DMD: variants seen among roughly 807,000 people sequenced by gnomAD.
DMD encodes mutant dystrophin.
A neutral mutation model predicts 330.1 loss-of-function variants in DMD; 63 were observed. The ratio of observed to expected loss-of-function variants is 0.19; its 90% CI spans 0.16 to 0.24. The LOEUF (loss-of-function observed/expected upper bound fraction) is 0.24, where lower values mean the gene tolerates loss of function less well. Among genes scored for constraint, DMD ranks in the 10% least tolerant of loss-of-function variants. The pLI is 1.00. For missense variants in DMD, 3,344 were observed against 2,684.1 expected (o/e 1.25, Z -5.43); for synonymous variants, 1,223 against 959.8 (o/e 1.27, Z -5.07).
At chrX:32,777,282 G>GGGGGGGGGGGGTGGGGGGGGT (rs1368782701) in intron 7 of DMD, among the ~76,000 whole-genome samples, 1 of 54,130 alleles carries the variant, frequency 1.8e-5, no homozygotes, top group Admixed American at 2.0e-4. Context: ...CTGGTTGGGG[G>GGGGGGGGGGGGTGGGGGGGGT]GGGAATCCTA....
In DMD at chrX:32,819,216, G is replaced by A. The variant is rs775511697; in HGVS notation, c.358-2576C>T. On this transcript the variant is annotated intron_variant, in intron 5 of 78. Transcript: ENST00000357033. Reference sequence around the variant, plus strand: ...AGCAGAGCAAGAACTGTCTTGCACAGAAGTGACTTGGTAGGCAGGAATTTA... The same window carrying A: ...AGCAGAGCAAGAACTGTCTTGCACAAAAGTGACTTGGTAGGCAGGAATTTA... Among the ~76,000 whole-genome samples, 32 of 110,937 alleles carry A rather than the reference G, an allele frequency of 2.9e-4. No homozygotes were observed. In the South Asian group the frequency reaches 0.012, roughly 41 times the overall value.
intron 62 of DMD, among the ~76,000 whole-genome samples, chrX:31,315,483 T>C (rs2055928383): frequency 8.9e-6 from 1 of 112,676 alleles, no homozygotes; most frequent in Non-Finnish European, 1.9e-5. Flanking sequence ...ACTGGTTTTT[T>C]TCTAACACGT....
chrX:32,958,827 C>G (rs1168687039), intron 2 of DMD, among the ~76,000 whole-genome samples: 1 of 110,392 alleles, frequency 9.1e-6, no homozygotes, highest in African/African-American at 3.3e-5. Flanking sequence ...CTATTGTAAC[C>G]AGAACTTACA....
intron 3 of DMD, 146 bp from the exon 4 acceptor site, chrX:32,845,006 T>G: frequency 1.9e-6 from 1 of 535,042 alleles, no homozygotes; most frequent in Non-Finnish European, 3.2e-6. Context: ...ATCTAAATAC[T>G]TTGCGCTAAT....
chrX:31,258,956 A>G (rs2050242099), intron 63 of DMD, among the ~76,000 whole-genome samples: 1 of 110,377 alleles, frequency 9.1e-6, no homozygotes, highest in South Asian at 3.9e-4. Context: ...GTGGAAAAAA[A>G]AAAAGCAAGT....
At chrX:31,443,915 C>T (rs1455935865) in intron 60 of DMD, among the ~76,000 whole-genome samples, 1 of 111,422 alleles carries the variant, frequency 9.0e-6, no homozygotes, top group African/African-American at 3.3e-5. Context: ...CTCTAACTCG[C>T]GTGTTGAAAT....
rs774142886 is a variant in DMD, at chrX:31,653,602, G to A, written c.8027+4388C>T. ...AATGCTTATTTCTTGTTTAAAGAGT[G>A]ATCCTGGAACAGAAATAAGGAAATG... On this transcript the variant is annotated intron_variant, in intron 54 of 78. Coordinates refer to ENST00000357033, the MANE Select transcript of DMD (RefSeq NM_004006.3). Among the ~76,000 whole-genome samples the A allele has an allele frequency of 3.6e-5, 4 of 110,898 alleles. No homozygotes were observed. The East Asian group carries it at 1.1e-3, about 32-fold the overall frequency.
chrX:32,946,002 AG>A (rs1265211720), intron 2 of DMD, among the ~76,000 whole-genome samples: 6 of 111,422 alleles, frequency 5.4e-5, no homozygotes, highest in African/African-American at 2.0e-4. Flanking sequence ...CAAGATTATA[AG>A]GGCTTTAGAA....
chrX:31,788,487 TAAC>T (rs763400707), intron 50 of DMD, among the ~76,000 whole-genome samples: 1 of 111,862 alleles, frequency 8.9e-6, no homozygotes, highest in South Asian at 3.7e-4. Flanking sequence ...TTTTGTGGCC[TAAC>T]ATATGATCTA....
intron 2 of DMD, among the ~76,000 whole-genome samples, chrX:32,890,835 A>G (rs929513447): frequency 2.7e-5 from 3 of 111,851 alleles, no homozygotes; most frequent in African/African-American, 9.7e-5. Flanking sequence ...AATTTTATTT[A>G]TATTGAAAAC....
chrX:32,536,000 C>G (rs1011932548), intron 17 of DMD, among the ~76,000 whole-genome samples: 1 of 111,358 alleles, frequency 9.0e-6, no homozygotes, highest in Non-Finnish European at 1.9e-5. Context: ...GGCACTGTGG[C>G]TCATGCCTCT....
chrX:33,031,271 C>T (rs146653971), intron 1 of DMD, among the ~76,000 whole-genome samples: 2,436 of 102,311 alleles, frequency 0.024, 91 homozygotes, highest in African/African-American at 0.084. Context: ...CCTCAATAAA[C>T]GAGGGACAGA....
chrX:32,595,172 T>C (rs751896994), intron 13 of DMD, among the ~76,000 whole-genome samples: 2 of 111,595 alleles, frequency 1.8e-5, no homozygotes, highest in South Asian at 3.8e-4. Context: ...GGATAATCAG[T>C]ACATTTACCG....
chrX:32,092,985 G>A (rs1323961057), intron 44 of DMD, among the ~76,000 whole-genome samples: 1 of 110,412 alleles, frequency 9.1e-6, no homozygotes, highest in Non-Finnish European at 1.9e-5. Context: ...CTTTCTAAAA[G>A]AATGTTCTCC....
Position 33,306,396 on chromosome X carries a change from C to T in DMD, c.7+32863G>A, listed in dbSNP as rs369906380. 8.9e-5 allele frequency among the ~76,000 whole-genome samples: 10 copies of T among 111,871 alleles called. No individual in the cohort carries two copies. In the East Asian group the frequency reaches 2.3e-3, roughly 25 times the overall value. ...GTTTATAACAAGGAACAGAAATATACATGATTTAATATAACGTATGGTCAT... is the reference window on the plus strand; with the variant it reads ...GTTTATAACAAGGAACAGAAATATATATGATTTAATATAACGTATGGTCAT... On this transcript the variant is annotated intron_variant, in intron 1 of 17. Transcript: ENST00000288447.
chrX:32,596,701 A>C (rs1009696593), intron 12 of DMD, among the ~76,000 whole-genome samples: 4 of 109,691 alleles, frequency 3.6e-5, no homozygotes, highest in Non-Finnish European at 5.7e-5. Context: ...GCACACCACC[A>C]CGCCCAGCTA....
At chrX:32,438,902 A>C (rs938742362) in intron 28 of DMD, among the ~76,000 whole-genome samples, 9 of 111,694 alleles carry the variant, frequency 8.1e-5, no homozygotes, top group African/African-American at 2.9e-4. Context: ...TCGCCTCATA[A>C]TATGGCTGAA....
intron 60 of DMD, among the ~76,000 whole-genome samples, chrX:31,391,071 T>A (rs2060660540): frequency 8.9e-6 from 1 of 111,994 alleles, no homozygotes; most frequent in Non-Finnish European, 1.9e-5. Flanking sequence ...CTTCCTAGAC[T>A]ATGAAGAAGT....
intron 44 of DMD, among the ~76,000 whole-genome samples, chrX:32,079,438 T>C (rs1214417401): frequency 1.8e-5 from 2 of 109,677 alleles, no homozygotes; most frequent in Non-Finnish European, 3.8e-5. Flanking sequence ...CTACTAAAAA[T>C]ACAAAAATCA....
Sources: gnomAD v4.1 joint callset for allele counts (sites outside exome capture counted in the v4.1 genomes callset) on GRCh38, gnomAD v4.1.1 for gene constraint, MANE v1.5 for transcripts, NCBI Gene and HGNC (gene_info 2026-07-23, HGNC 2026-07-21) for gene names.